The following UNC5C variants were observed in gnomAD, a reference collection of about 807,000 sequenced individuals.
UNC5C encodes netrin receptor UNC5C.
UNC5C carries 47 observed loss-of-function variants against 99.8 expected under a neutral mutation model. The observed-to-expected ratio is 0.47, with a 90% CI of 0.37 to 0.60. The LOEUF (loss-of-function observed/expected upper bound fraction) is 0.60, where lower values mean the gene tolerates loss of function less well. Ranked by LOEUF, UNC5C falls within the 20% of genes least tolerant of loss-of-function variation. The probability of loss-of-function intolerance (pLI) is 0.00; values close to 1 mark genes in which losing one functional copy is unlikely to be tolerated. For synonymous variants in UNC5C, 487 were observed against 452.2 expected, an observed-to-expected ratio of 1.08 and a Z score of -0.98; for missense variants, 1,062 against 1,165.9, an observed-to-expected ratio of 0.91 and a Z score of 1.30.
At chr4:95,419,001 G>A (rs1483313746) in intron 1 of UNC5C, among the ~76,000 whole-genome samples, 1 of 152,132 alleles carries the variant, frequency 6.6e-6, no homozygotes, top group African/African-American at 2.4e-5. Flanking sequence ...CTCATTAGAT[G>A]AGACACGATG....
At chr4:95,274,247 T>A (rs1740770615) in intron 4 of UNC5C, among the ~76,000 whole-genome samples, 1 of 152,088 alleles carries the variant, frequency 6.6e-6, no homozygotes, top group African/African-American at 2.4e-5. Context: ...CAGTTCTGTA[T>A]CTGTTGCTAA....
At chr4:95,442,831 C>T (rs993588387) in intron 1 of UNC5C, among the ~76,000 whole-genome samples, 1 of 151,814 alleles carries the variant, frequency 6.6e-6, no homozygotes, top group African/African-American at 2.4e-5. Context: ...CACACACACA[C>T]ACACATACAC....
chr4:95,523,706 T>C (rs187339314), intron 1 of UNC5C, among the ~76,000 whole-genome samples: 6 of 152,318 alleles, frequency 3.9e-5, no homozygotes, highest in Admixed American at 2.0e-4. Flanking sequence ...ATTTTTACAA[T>C]TGCTGTTAAA....
chr4:95,324,819 C>T (rs1009306416), intron 2 of UNC5C, among the ~76,000 whole-genome samples: 3 of 152,136 alleles, frequency 2.0e-5, no homozygotes, highest in Non-Finnish European at 4.4e-5. Context: ...CCTCATCACA[C>T]AATGAATCTG....
chr4:95,482,754 C>T (rs1332484355), intron 1 of UNC5C, among the ~76,000 whole-genome samples: 1 of 118,508 alleles, frequency 8.4e-6, no homozygotes, highest in African/African-American at 3.5e-5. Flanking sequence ...TAAACTATCG[C>T]AAGGACAAAA....
chr4:95,381,609 C>T (rs1055738066), intron 1 of UNC5C, among the ~76,000 whole-genome samples: 3 of 152,104 alleles, frequency 2.0e-5, no homozygotes, highest in Non-Finnish European at 4.4e-5. Flanking sequence ...TATGTCTAAA[C>T]TCAGATATTA....
intron 1 of UNC5C, among the ~76,000 whole-genome samples, chr4:95,383,512 T>C (rs960479265): frequency 2.0e-5 from 3 of 152,218 alleles, no homozygotes; most frequent in African/African-American, 7.2e-5. Flanking sequence ...TCTGTTTTGG[T>C]ATGTTAAGAT....
At chr4:95,368,339 T>C (rs1243887465) in intron 1 of UNC5C, among the ~76,000 whole-genome samples, 1 of 146,356 alleles carries the variant, frequency 6.8e-6, no homozygotes, top group Non-Finnish European at 1.5e-5. Flanking sequence ...CTTTACAAAT[T>C]ATAGGCTTAC....
Position 95,314,546 on chromosome 4 carries a change from C to A in UNC5C, c.347-12797G>T, listed in dbSNP as rs557658061. The stretch of plus-strand genomic sequence containing the variant: ...ACACAGGTGAGGCAGAGACATTAAG[C>A]AATTGAACAGAAATTACTAAGTAGG... On this transcript the variant is annotated intron_variant, in intron 2 of 15. Transcript: ENST00000453304. Among the ~76,000 whole-genome samples the A allele has an allele frequency of 3.8e-4, 58 of 152,286 alleles. No homozygotes were observed. The Middle Eastern group carries it at 0.01, about 27-fold the overall frequency.
chr4:95,347,429 C>G lies in UNC5C; in HGVS notation c.125-11798G>C, dbSNP rs544308328. 9.1e-4 allele frequency among the ~76,000 whole-genome samples: 138 copies of G among 152,026 alleles called. 1 individual carries two copies. Among genetic ancestry groups the G allele is most frequent in the African/African-American group, 3.2e-3 (132 of 41,530 alleles). ...AAATGCTAAAATTTACATGGAACCA[C>G]AACACACCCAGAATAGCCAAAACTC... is the stretch of plus-strand genomic sequence containing the variant. On this transcript the variant is annotated intron_variant, in intron 1 of 15. Transcript: ENST00000453304.
chr4:95,192,362 C>T (rs1434454596), intron 12 of UNC5C, among the ~76,000 whole-genome samples: 2 of 128,156 alleles, frequency 1.6e-5, no homozygotes, highest in East Asian at 2.8e-4. Flanking sequence ...CTCACTCCTC[C>T]CTTGCTCATC....
intron 1 of UNC5C, among the ~76,000 whole-genome samples, chr4:95,467,126 C>T (rs960504642): frequency 3.3e-5 from 5 of 152,196 alleles, no homozygotes; most frequent in Non-Finnish European, 5.9e-5. Context: ...TTTCAGATGG[C>T]TCTGGCCCCT....
At chr4:95,366,383 C>A (rs1744571797) in intron 1 of UNC5C, among the ~76,000 whole-genome samples, 2 of 152,182 alleles carry the variant, frequency 1.3e-5, no homozygotes, top group Admixed American at 1.3e-4. Flanking sequence ...CCAAGATTTA[C>A]TGTAAGAGAT....
chr4:95,253,344 T>C (rs1739812456), intron 4 of UNC5C, among the ~76,000 whole-genome samples: 1 of 151,896 alleles, frequency 6.6e-6, no homozygotes, highest in Non-Finnish European at 1.5e-5. Context: ...GTATGAAGAG[T>C]TTATTACATG....
intron 1 of UNC5C, among the ~76,000 whole-genome samples, chr4:95,525,221 A>G (rs1722466159): frequency 6.6e-6 from 1 of 152,218 alleles, no homozygotes; most frequent in South Asian, 2.1e-4. Context: ...CTGAGTAAAT[A>G]GAACTAATTG....
chr4:95,256,763 G>C (rs746641274), intron 4 of UNC5C, among the ~76,000 whole-genome samples: 1 of 135,252 alleles, frequency 7.4e-6, no homozygotes, highest in African/African-American at 2.6e-5. Context: ...AAAGTCCCAC[G>C]ATAGGCCTTC....
Position 95,301,739 on chromosome 4 carries a change from G to T in UNC5C, c.357C>A (p.Val119=). Residue 119 remains valine (V), a synonymous_variant, in exon 3 of 16, where the codon GTC becomes GTA. Transcript: ENST00000453304. ...ERVDETSGLI[V]REVSIEISRQ... ...GCGAAATCTCAATGCTCACTTCCCG[G>T]ACAATGAGACCTGACAAGAGAAAAA... is the stretch of plus-strand genomic sequence containing the variant. 6.2e-7 allele frequency: 1 copy of T among 1,612,626 alleles called. No individual in the cohort carries two copies. The highest frequency in any genetic ancestry group is 8.5e-7 in the Non-Finnish European group (1 of 1,179,964).
intron 1 of UNC5C, among the ~76,000 whole-genome samples, chr4:95,385,627 C>A (rs1381195417): frequency 6.6e-6 from 1 of 152,138 alleles, no homozygotes; most frequent in Admixed American, 6.6e-5. Flanking sequence ...CCTATTCTTA[C>A]AACAAAATTA....
intron 1 of UNC5C, among the ~76,000 whole-genome samples, chr4:95,414,040 T>C (rs1319646900): frequency 6.6e-6 from 1 of 152,212 alleles, no homozygotes; most frequent in Non-Finnish European, 1.5e-5. Context: ...ACTACCAATT[T>C]CTCTTTGATC....
Sources: gnomAD v4.1 joint callset for allele counts (sites outside exome capture counted in the v4.1 genomes callset) on GRCh38, gnomAD v4.1.1 for gene constraint, MANE v1.5 for transcripts, NCBI Gene and HGNC (gene_info 2026-07-23, HGNC 2026-07-21) for gene names.